MAPK10: variants seen among roughly 807,000 people sequenced by gnomAD.
MAPK10 encodes the protein mitogen-activated protein kinase 10.
MAPK10 carries 25 observed loss-of-function variants against 59.3 expected under a neutral mutation model. The ratio of observed to expected loss-of-function variants is 0.42; its 90% CI spans 0.31 to 0.59. MAPK10 has a LOEUF of 0.59. Ranked by LOEUF, MAPK10 falls within the 20% of genes least tolerant of loss-of-function variation. The pLI is 0.15. For missense variants in MAPK10, 351 were observed against 568.9 expected, an observed-to-expected ratio of 0.62 and a Z score of 3.90; for synonymous variants, 190 against 200.5, an observed-to-expected ratio of 0.95 and a Z score of 0.44.
chr4:86,345,706 T>C (rs1727734218), intron 2 of MAPK10, among the ~76,000 whole-genome samples: 1 of 152,186 alleles, frequency 6.6e-6, no homozygotes, highest in Non-Finnish European at 1.5e-5. Flanking sequence ...TCTAGACCAT[T>C]CTTGATTCCC....
chr4:86,171,534 C>T lies in MAPK10; in HGVS notation c.67-12067G>A, dbSNP rs1026096470. Among the ~76,000 whole-genome samples, 4 of 152,030 alleles carry T rather than the reference C, an allele frequency of 2.6e-5. No homozygotes were observed. The East Asian group carries it at 5.8e-4, about 22-fold the overall frequency. ...AAACTGGCTAGCCATATGTAGAAAG[C>T]GGAAACTGGATCCCTCCATTACACC... On this transcript the variant is annotated intron_variant, in intron 3 of 13. Coordinates refer to ENST00000641462, the MANE Select transcript of MAPK10 (RefSeq NM_138982.4).
Position 86,149,123 on chromosome 4 carries a change from GT to G in MAPK10, c.236+10174del, listed in dbSNP as rs574167138. Among the ~76,000 whole-genome samples, 154 of 152,200 alleles carry G rather than the reference GT, an allele frequency of 1.0e-3. 2 individuals carry two copies. Among genetic ancestry groups the G allele is most frequent in the African/African-American group, 3.2e-3 (132 of 41,514 alleles). On this transcript the variant is annotated intron_variant, in intron 4 of 13. Transcript: ENST00000641462. ...CCCACTTTGATCCAGTTCTGGCCTG[GT>G]TCTTGGCTTTTGCCTTCCTTCTCTC...
intron 11 of MAPK10, among the ~76,000 whole-genome samples, chr4:86,060,066 A>G (rs1161043274): frequency 6.6e-6 from 1 of 151,996 alleles, no homozygotes; most frequent in Non-Finnish European, 1.5e-5. Context: ...CTTCAACACA[A>G]TGGTCTATCT....
chr4:86,485,226 C>T (rs945607494), intron 1 of MAPK10, among the ~76,000 whole-genome samples: 1 of 152,170 alleles, frequency 6.6e-6, no homozygotes, highest in Non-Finnish European at 1.5e-5. Context: ...ACTGGAGATG[C>T]CTTCCCCAAC....
At chr4:86,227,008 A>G (rs1698886402) in intron 2 of MAPK10, among the ~76,000 whole-genome samples, 1 of 152,154 alleles carries the variant, frequency 6.6e-6, no homozygotes, top group Non-Finnish European at 1.5e-5. Context: ...TTTTTTGAAA[A>G]AATATGGTTT....
At position 86,588,454 on chromosome 4, in the gene MAPK10, G is replaced by C. The variant is rs569731788; in HGVS notation, c.-263+5456C>G. 2.6e-5 allele frequency among the ~76,000 whole-genome samples: 4 copies of C among 152,186 alleles called. No homozygotes were observed. The South Asian group carries it at 8.3e-4, about 32-fold the overall frequency. Reference sequence around the variant, plus strand: ...ATCTCCATATATATTTATAGATATAGGTATTTTTAAACAGAAATCAGATCA... The same window carrying C: ...ATCTCCATATATATTTATAGATATACGTATTTTTAAACAGAAATCAGATCA... On this transcript the variant is annotated intron_variant, in intron 1 of 4. Coordinates refer to the MAPK10 transcript ENST00000502302.
chr4:86,390,463 G>C (rs1212631491), intron 1 of MAPK10, among the ~76,000 whole-genome samples: 1 of 152,154 alleles, frequency 6.6e-6, no homozygotes, highest in Non-Finnish European at 1.5e-5. Context: ...CAAGCAACTT[G>C]GGCAGGATGC....
chr4:86,124,101 CTTA>C (rs1472412760), intron 4 of MAPK10: 2 of 151,846 alleles, frequency 1.3e-5, no homozygotes, highest in Non-Finnish European at 2.9e-5. Flanking sequence ...AGATAGGTTA[CTTA>C]TTTTTTCAGT....
intron 1 of MAPK10, among the ~76,000 whole-genome samples, chr4:86,471,786 T>G (rs1464090461): frequency 2.6e-5 from 4 of 152,196 alleles, no homozygotes; most frequent in Admixed American, 2.0e-4. Flanking sequence ...TCCTTTTTTT[T>G]CAACAAAGAG....
chr4:86,318,713 C>G (rs1041796846), intron 2 of MAPK10, among the ~76,000 whole-genome samples: 6 of 152,132 alleles, frequency 3.9e-5, no homozygotes, highest in African/African-American at 1.4e-4. Context: ...TTACATAAAT[C>G]AAGTAAATAG....
intron 11 of MAPK10, among the ~76,000 whole-genome samples, chr4:86,048,712 A>G (rs903296535): frequency 2.0e-5 from 3 of 152,140 alleles, no homozygotes; most frequent in Non-Finnish European, 4.4e-5. Context: ...ACAGTGAATG[A>G]AGAAACATAG....
intron 1 of MAPK10, 65 bp from the exon 2 acceptor site, chr4:86,354,709 A>G: frequency 1.6e-6 from 1 of 630,150 alleles, no homozygotes; most frequent in East Asian, 3.5e-5. Flanking sequence ...TTAGAAAACC[A>G]AAAAGCTGAC....
intron 1 of MAPK10, among the ~76,000 whole-genome samples, chr4:86,433,968 TG>T (rs1748380275): frequency 6.6e-6 from 1 of 152,180 alleles, no homozygotes; most frequent in Non-Finnish European, 1.5e-5. Context: ...TTTTTTCCAT[TG>T]AAACTTTATT....
At chr4:86,029,512 C>T (rs1277498270) in intron 12 of MAPK10, among the ~76,000 whole-genome samples, 3 of 151,966 alleles carry the variant, frequency 2.0e-5, no homozygotes, top group Non-Finnish European at 4.4e-5. Flanking sequence ...TTTATTTCTA[C>T]GTACATGAAA....
intron 2 of MAPK10, among the ~76,000 whole-genome samples, chr4:86,350,324 C>T (rs1730613970): frequency 6.6e-6 from 1 of 152,108 alleles, no homozygotes; most frequent in African/African-American, 2.4e-5. Context: ...AAGTGATTCT[C>T]CTGCCTCAGC....
intron 3 of MAPK10, among the ~76,000 whole-genome samples, chr4:86,161,823 G>A (rs191667929): frequency 6.6e-6 from 1 of 152,026 alleles, no homozygotes; most frequent in African/African-American, 2.4e-5. Context: ...CCAGACTCCT[G>A]ACTTAATGTT....
chr4:86,497,865 G>A (rs1382114731), intron 1 of MAPK10, among the ~76,000 whole-genome samples: 1 of 152,138 alleles, frequency 6.6e-6, no homozygotes, highest in Admixed American at 6.5e-5. Context: ...CAAATATTAG[G>A]AGCAGGGTTG....
At chr4:86,408,966 C>G (rs993366711) in intron 1 of MAPK10, among the ~76,000 whole-genome samples, 1 of 152,040 alleles carries the variant, frequency 6.6e-6, no homozygotes, top group African/African-American at 2.4e-5. Context: ...CTAGTCATGA[C>G]GTCTTTGCCC....
At position 86,203,732 on chromosome 4, in the gene MAPK10, T is replaced by C. The variant is rs562269741; in HGVS notation, c.-6-9325A>G. On this transcript the variant is annotated intron_variant, in intron 2 of 13. Transcript: ENST00000641462. ...TGTGTTCTTGTATCATACATATGCT[T>C]GCAAGCTGTCATAGACACACTCTGT... Among the ~76,000 whole-genome samples, 378 of 150,716 alleles carry C rather than the reference T, an allele frequency of 2.5e-3. 1 individual carries two copies. The highest frequency in any genetic ancestry group is 5.0e-3 in the Admixed American group (76 of 15,134).
Sources: allele counts gnomAD v4.1 joint callset (sites outside exome capture counted in the v4.1 genomes callset), GRCh38; gene constraint gnomAD v4.1.1; transcripts MANE v1.5; gene names NCBI Gene and HGNC (gene_info 2026-07-23, HGNC 2026-07-21).